The following KTN1 variants were observed in gnomAD, a reference collection of about 807,000 sequenced individuals.
KTN1 encodes the protein kinectin.
KTN1 carries 130 observed loss-of-function variants against 222.5 expected under a neutral mutation model. The observed-to-expected ratio is 0.58, with a 90% confidence interval of 0.51 to 0.68. The LOEUF (loss-of-function observed/expected upper bound fraction) is 0.68, where lower values mean the gene tolerates loss of function less well. Among genes scored for constraint, KTN1 ranks in the 30% least tolerant of loss-of-function variants. The pLI is 0.00. For synonymous variants in KTN1, 512 were observed against 496.3 expected (o/e 1.03, Z -0.42); for missense variants, 1,508 against 1,500.4 (o/e 1.01, Z -0.08).
chr14:55,591,399 A>C (rs1452029973), intron 1 of KTN1, among the ~76,000 whole-genome samples: 4 of 152,124 alleles, frequency 2.6e-5, no homozygotes, highest in Non-Finnish European at 4.4e-5. Flanking sequence ...GACATTTTCA[A>C]CTTTACTAGT....
intron 1 of KTN1, among the ~76,000 whole-genome samples, chr14:55,592,848 A>G (rs2034375087): frequency 6.6e-6 from 1 of 152,234 alleles, no homozygotes; most frequent in Non-Finnish European, 1.5e-5. Context: ...GTATACTTAC[A>G]GTATGAGGAA....
intron 33 of KTN1, among the ~76,000 whole-genome samples, chr14:55,666,751 AT>A (rs1374788806): frequency 3.3e-5 from 5 of 151,956 alleles, no homozygotes; most frequent in Non-Finnish European, 7.4e-5. Flanking sequence ...AATACTTCAC[AT>A]GACCTTGAAG....
chr14:55,662,884 T>C (rs2044301323), intron 32 of KTN1: 1 of 455,946 alleles, frequency 2.2e-6, no homozygotes, highest in African/African-American at 2.0e-5. Flanking sequence ...CTGTGTTTTA[T>C]TATTGGACTT....
intron 25 of KTN1, among the ~76,000 whole-genome samples, chr14:55,652,182 C>T (rs1286540109): frequency 6.6e-6 from 1 of 152,048 alleles, no homozygotes; most frequent in African/African-American, 2.4e-5. Context: ...TTGCTCTTTG[C>T]CTATTTTAAT....
intron 9 of KTN1, among the ~76,000 whole-genome samples, chr14:55,635,480 C>G (rs2041015808): frequency 6.6e-6 from 1 of 152,152 alleles, no homozygotes; most frequent in Non-Finnish European, 1.5e-5. Flanking sequence ...AAGTAGTGTT[C>G]CAGTGGCTTG....
At chr14:55,593,843 T>C (rs1431772807) in intron 1 of KTN1, among the ~76,000 whole-genome samples, 1 of 152,120 alleles carries the variant, frequency 6.6e-6, no homozygotes, top group Non-Finnish European at 1.5e-5. Flanking sequence ...TTTTTTTACC[T>C]TTTTATTTTT....
intron 1 of KTN1, among the ~76,000 whole-genome samples, chr14:55,597,415 ATTC>A (rs963300213): frequency 6.6e-6 from 1 of 152,172 alleles, no homozygotes; most frequent in African/African-American, 2.4e-5. Flanking sequence ...AGTTTATCGG[ATTC>A]TTCATTTGTA....
At chr14:55,628,815 TA>T (rs1371440203) in intron 6 of KTN1, among the ~76,000 whole-genome samples, 2 of 152,232 alleles carry the variant, frequency 1.3e-5, no homozygotes, top group African/African-American at 2.4e-5. Context: ...TATGACTATA[TA>T]AAAAATTAAA....
At chr14:55,657,904 A>C (rs1380902780) in intron 29 of KTN1, among the ~76,000 whole-genome samples, 4 of 151,830 alleles carry the variant, frequency 2.6e-5, no homozygotes, top group Non-Finnish European at 5.9e-5. Context: ...ACACAGCAAG[A>C]CTGCCATCTT....
intron 7 of KTN1, among the ~76,000 whole-genome samples, chr14:55,632,112 C>T (rs2040601497): frequency 6.6e-6 from 1 of 152,176 alleles, no homozygotes; most frequent in Non-Finnish European, 1.5e-5. Flanking sequence ...TTAACTCATT[C>T]CTTCATCTTC....
chr14:55,608,234 C>A (rs1294924137), intron 1 of KTN1, among the ~76,000 whole-genome samples: 1 of 151,990 alleles, frequency 6.6e-6, no homozygotes, highest in Non-Finnish European at 1.5e-5. Flanking sequence ...TTTTTTCCTC[C>A]TCATGTAATT....
At chr14:55,595,917 G>A (rs377359508) in intron 1 of KTN1, among the ~76,000 whole-genome samples, 1 of 152,046 alleles carries the variant, frequency 6.6e-6, no homozygotes, top group South Asian at 2.1e-4. Flanking sequence ...TACTTTGGGA[G>A]GCCGAGGTGG....
At chr14:55,656,821 G>GT (rs910170919) in intron 29 of KTN1, among the ~76,000 whole-genome samples, 1 of 152,062 alleles carries the variant, frequency 6.6e-6, no homozygotes, top group Non-Finnish European at 1.5e-5. Context: ...ATTTAGGGCT[G>GT]TTTTTTCTGC....
chr14:55,655,462 T>C (rs2043374814), intron 28 of KTN1, among the ~76,000 whole-genome samples: 1 of 152,252 alleles, frequency 6.6e-6, no homozygotes, highest in African/African-American at 2.4e-5. Context: ...GACTCTATTA[T>C]GTGCTTTCTG....
chr14:55,586,113 T>TAA, intron 1 of KTN1, among the ~76,000 whole-genome samples: 1 of 152,308 alleles, frequency 6.6e-6, no homozygotes, highest in African/African-American at 2.4e-5. Flanking sequence ...AGTCACTAGT[T>TAA]AGGAGACCTA....
In KTN1 at chr14:55,635,381, A is replaced by G. The variant is rs139686985; in HGVS notation, c.1461+723A>G. On this transcript the variant is annotated intron_variant, in intron 9 of 43. Coordinates refer to ENST00000395314, the MANE Select transcript of KTN1 (RefSeq NM_001079521.2). ...TACCCTTAATACCACTTTATCACCCATAGCTTGGATTTTTCAGTAGGTCCA... is the reference window on the plus strand; with the variant it reads ...TACCCTTAATACCACTTTATCACCCGTAGCTTGGATTTTTCAGTAGGTCCA... Among the ~76,000 whole-genome samples, 8 of 152,310 alleles carry G rather than the reference A, an allele frequency of 5.3e-5. No individual in the cohort carries two copies. In the East Asian group the frequency reaches 1.2e-3, roughly 22 times the overall value.
chr14:55,648,539 G>A lies in KTN1; in HGVS notation c.2299-263G>A, dbSNP rs552762735. ...GGGAGAGGAGTAGCTTAACTAACAA[G>A]TTGTATACTGTATATTTTTGAGGTT... On this transcript the variant is annotated intron_variant, in intron 20 of 43. Coordinates refer to ENST00000395314, the MANE Select transcript of KTN1 (RefSeq NM_001079521.2). 2.0e-5 allele frequency among the ~76,000 whole-genome samples: 3 copies of A among 152,266 alleles called. No homozygotes were observed. In the South Asian group the frequency reaches 6.2e-4, roughly 32 times the overall value.
In KTN1 at chr14:55,652,966, T is replaced by G. The variant is rs376416311; in HGVS notation, c.2694+26T>G. 55 of 1,582,540 alleles carry G rather than the reference T, an allele frequency of 3.5e-5. No homozygotes were observed. The African/African-American group carries it at 7.0e-4, about 20-fold the overall frequency. ...GTGAGAAATTAAAAACAATAAAAAA[T>G]AGCCTTTTTATACTTGACTATCAAT... On this transcript the variant is annotated intron_variant, in intron 26 of 43. Coordinates refer to ENST00000395314, the MANE Select transcript of KTN1 (RefSeq NM_001079521.2).
chr14:55,677,687 A>G (rs2046004162), intron 41 of KTN1, among the ~76,000 whole-genome samples: 1 of 152,020 alleles, frequency 6.6e-6, no homozygotes, highest in Non-Finnish European at 1.5e-5. Flanking sequence ...CCTTTTTAAC[A>G]TAACCCTTTA....
Sources: gnomAD v4.1 joint callset for allele counts (sites outside exome capture counted in the v4.1 genomes callset) on GRCh38, gnomAD v4.1.1 for gene constraint, MANE v1.5 for transcripts, NCBI Gene and HGNC (gene_info 2026-07-23, HGNC 2026-07-21) for gene names.